RCHY1: variants seen among roughly 807,000 people sequenced by gnomAD.
RCHY1 encodes the protein ring finger and CHY zinc finger domain containing 1, also known as RING finger and CHY zinc finger domain-containing protein 1.
A neutral mutation model predicts 41.6 loss-of-function variants in RCHY1; 21 were observed. That is an observed-to-expected ratio of 0.51 (90% CI 0.36 to 0.73). The LOEUF is 0.73. Ranked by LOEUF, RCHY1 falls within the 30% of genes least tolerant of loss-of-function variation. The pLI, the probability that RCHY1 is intolerant of heterozygous loss-of-function variation, is 0.00. For missense variants in RCHY1, 265 were observed against 325.3 expected (o/e 0.81, Z 1.43); for synonymous variants, 79 against 102.9 (o/e 0.77, Z 1.41).
At chr4:75,488,679 G>C (rs2148720974) in intron 8 of RCHY1, among the ~76,000 whole-genome samples, 1 of 152,224 alleles carries the variant, frequency 6.6e-6, no homozygotes, top group South Asian at 2.1e-4. Context: ...CACCTAACCT[G>C]GTATTTAAGA....
intron 4 of RCHY1, 43 bp from the exon 5 acceptor site, chr4:75,491,976 T>C (rs777599886): frequency 6.3e-6 from 9 of 1,425,804 alleles, no homozygotes; most frequent in Non-Finnish European, 7.6e-6. Context: ...CTTAACTAGA[T>C]TAAAATGTCA....
At chr4:75,510,713 TATCTATTGAC>T (rs1179310796) in intron 1 of RCHY1, among the ~76,000 whole-genome samples, 2 of 152,254 alleles carry the variant, frequency 1.3e-5, no homozygotes, top group African/African-American at 2.4e-5. Context: ...ATGTGGATTT[TATCTATTGAC>T]ATATACCACA....
Position 75,496,500 on chromosome 4 carries a change from A to T in RCHY1, c.327-2321T>A, listed in dbSNP as rs1057084891. Among the ~76,000 whole-genome samples, 7 of 152,102 alleles carry T rather than the reference A, an allele frequency of 4.6e-5. No individual in the cohort carries two copies. The East Asian group carries it at 1.3e-3, about 29-fold the overall frequency. On this transcript the variant is annotated intron_variant, in intron 3 of 8. Coordinates refer to ENST00000324439, the MANE Select transcript of RCHY1 (RefSeq NM_015436.4). ...ACATGGATGTAAGAAAACTACCCAA[A>T]GCCAGGGAAACAACCTTCTAAAGAA...
chr4:75,508,235 C>T (rs1025641211), intron 3 of RCHY1, among the ~76,000 whole-genome samples: 12 of 152,092 alleles, frequency 7.9e-5, no homozygotes, highest in Non-Finnish European at 1.6e-4. Context: ...TTCCTAAACT[C>T]GGTGGCTTAT....
intron 3 of RCHY1, among the ~76,000 whole-genome samples, chr4:75,500,906 C>A (rs897072609): frequency 6.6e-6 from 1 of 152,152 alleles, no homozygotes; most frequent in Non-Finnish European, 1.5e-5. Flanking sequence ...TTAATACATT[C>A]AAATAACATG....
chr4:75,498,925 CA>C (rs1224225760), intron 3 of RCHY1, among the ~76,000 whole-genome samples: 1 of 151,912 alleles, frequency 6.6e-6, no homozygotes, highest in African/African-American at 2.4e-5. Context: ...ACAACTGAAA[CA>C]AAAACAGACG....
At chr4:75,486,773 G>A (rs566003861) in intron 8 of RCHY1, among the ~76,000 whole-genome samples, 120 of 152,302 alleles carry the variant, frequency 7.9e-4, no homozygotes, top group African/African-American at 2.6e-3. Context: ...AAGGTCAGGA[G>A]TTTGAGACCA....
rs1323840162 is a variant in RCHY1, at chr4:75,514,298, C to G, written c.-12G>C. 1 of 1,608,910 alleles carries G rather than the reference C, an allele frequency of 6.2e-7. No homozygotes were observed. Among genetic ancestry groups the G allele is most frequent in the Non-Finnish European group, 8.5e-7 (1 of 1,176,124 alleles). ...GCCGTCGCCGCCATCTCCTCCACCT[C>G]CCCTCACATTCCACCGATCCTTCCC... On this transcript the variant is annotated 5_prime_UTR_variant, in exon 1 of 9. Coordinates refer to ENST00000324439, the MANE Select transcript of RCHY1 (RefSeq NM_015436.4).
chr4:75,513,953 C>G lies in RCHY1; in HGVS notation c.90+244G>C, dbSNP rs890588759. ...GACGAATAAGCCCACTGGCAGAGAC[C>G]ACTGTGCAAGCCTAATCACTTCCCA... On this transcript the variant is annotated intron_variant, in intron 1 of 8. Transcript: ENST00000324439. 2.9e-5 allele frequency: 12 copies of G among 416,498 alleles called. No individual in the cohort carries two copies. In the East Asian group the frequency reaches 4.8e-4, roughly 17 times the overall value. 25.8% of individuals were successfully genotyped at this position (416,498 alleles called of 1,614,324 possible). A position where few individuals can be genotyped will look rare whatever the true frequency, so the allele number is the denominator to read the frequency against.
In RCHY1 at chr4:75,490,615, G is replaced by C; in HGVS notation, c.623C>G (p.Pro208Arg). ...CATGTTCTGATATTCTGATGGCATAGGAGTCTGTGCTACTTCATCATCCAG... is the reference window on the plus strand; with the variant it reads ...CATGTTCTGATATTCTGATGGCATACGAGTCTGTGCTACTTCATCATCCAG... ...RQLDDEVAQTPMPSEYQNMTV... is the reference protein window; with the variant it reads ...RQLDDEVAQTRMPSEYQNMTV... The change falls in exon 8 of 9, where the codon CCT (proline) becomes CGT (arginine). Residue 208 changes from proline to arginine, a missense_variant. Physicochemically the swap from Pro to Arg is moderately radical, Grantham distance 103. Coordinates refer to ENST00000324439, the MANE Select transcript of RCHY1 (RefSeq NM_015436.4). 6.2e-7 allele frequency: 1 copy of C among 1,612,718 alleles called. No individual in the cohort carries two copies.
intron 3 of RCHY1, among the ~76,000 whole-genome samples, chr4:75,507,456 G>A (rs560273511): frequency 2.0e-4 from 31 of 151,978 alleles, no homozygotes; most frequent in Non-Finnish European, 3.4e-4. Flanking sequence ...CAAATACTAA[G>A]GCAATAGAAA....
At chr4:75,484,502 C>T (rs1721818034) in intron 8 of RCHY1, among the ~76,000 whole-genome samples, 1 of 152,082 alleles carries the variant, frequency 6.6e-6, no homozygotes, top group Non-Finnish European at 1.5e-5. Flanking sequence ...TGGAAATTCA[C>T]AGGGTTTTTT....
chr4:75,508,089 T>TA (rs1560530445), intron 3 of RCHY1, among the ~76,000 whole-genome samples: 2 of 149,976 alleles, frequency 1.3e-5, no homozygotes, highest in Middle Eastern at 3.4e-3. Context: ...AACTATATTT[T>TA]AAAAAAACAA....
chr4:75,509,531 A>T (rs1406156472), intron 1 of RCHY1: 3 of 393,654 alleles, frequency 7.6e-6, no homozygotes, highest in African/African-American at 6.1e-5. Context: ...ACTTTAAAAC[A>T]AAAGAATTAT....
chr4:75,514,492 G>A, upstream of RCHY1: 13 of 539,864 alleles, frequency 2.4e-5, no homozygotes, highest in Non-Finnish European at 4.0e-5. Context: ...CTCCGTCGTT[G>A]ACGTTAGTCG....
At chr4:75,488,462 G>C (rs748026806) in intron 8 of RCHY1, among the ~76,000 whole-genome samples, 18 of 152,072 alleles carry the variant, frequency 1.2e-4, no homozygotes, top group Non-Finnish European at 1.8e-4. Context: ...GACTTGGACT[G>C]GATAACAATT....
At position 75,505,551 on chromosome 4, in the gene RCHY1, A is replaced by G. The variant is rs138125830; in HGVS notation, c.326+3269T>C. Among the ~76,000 whole-genome samples, 22 of 152,310 alleles carry G rather than the reference A, an allele frequency of 1.4e-4. No homozygotes were observed. In the East Asian group the frequency reaches 3.5e-3, roughly 24 times the overall value. ...ATATGATATACAAAATAACACTACA[A>G]AAGTGAAAATGAATTAGAGTTAATC... On this transcript the variant is annotated intron_variant, in intron 3 of 8. Transcript: ENST00000324439.
intron 3 of RCHY1, among the ~76,000 whole-genome samples, chr4:75,503,893 G>A (rs778574542): frequency 1.3e-5 from 2 of 151,786 alleles, no homozygotes; most frequent in Non-Finnish European, 2.9e-5. Flanking sequence ...GTTGAAGGCA[G>A]GTACATATGT....
At chr4:75,501,530 T>C (rs1411470981) in intron 3 of RCHY1, among the ~76,000 whole-genome samples, 1 of 152,176 alleles carries the variant, frequency 6.6e-6, no homozygotes, top group Non-Finnish European at 1.5e-5. Flanking sequence ...TCAAATATTT[T>C]TGAACAATGA....
Sources: gnomAD v4.1 joint callset for allele counts (sites outside exome capture counted in the v4.1 genomes callset) on GRCh38, gnomAD v4.1.1 for gene constraint, MANE v1.5 for transcripts, NCBI Gene and HGNC (gene_info 2026-07-23, HGNC 2026-07-21) for gene names.